GYG1: variants seen among roughly 807,000 people sequenced by gnomAD.
GYG1 encodes the protein glycogenin 1.
In GYG1, 44 loss-of-function variants were observed where a neutral mutation model predicts 41.9. The ratio of observed to expected loss-of-function variants is 1.05; its 90% CI spans 0.83 to 1.35. The LOEUF is 1.35. GYG1 is among the 40% of genes most tolerant of loss of function. The probability of loss-of-function intolerance (pLI) is 0.00; values close to 1 mark genes in which losing one functional copy is unlikely to be tolerated. For missense variants in GYG1, 429 were observed against 418.9 expected (o/e 1.02, Z -0.21); for synonymous variants, 141 against 158.1 (o/e 0.89, Z 0.81).
rs1459040791 is a variant in GYG1 at position 148,992,258 on chromosome 3, T to A, written c.7+611T>A. On this transcript the variant is annotated intron_variant, in intron 1 of 7. Coordinates refer to ENST00000345003, the MANE Select transcript of GYG1 (RefSeq NM_004130.4). ...GGGCGCCGGCTTTGGCTTCACTTGT[T>A]GCGAGGCGTCCGGGCCACTCCACGA... The A allele has an allele frequency of 1.9e-5, 3 of 156,962 alleles. No homozygotes were observed. In the East Asian group the frequency reaches 5.7e-4, roughly 30 times the overall value. The allele number at this position is 156,962 out of a possible 1,614,324, so 9.7% of individuals were successfully genotyped here. A position where few individuals can be genotyped will look rare whatever the true frequency, so the allele number is the denominator to read the frequency against.
At chr3:148,996,246 G>T in intron 2 of GYG1, 56 bp from the exon 3 acceptor site, 1 of 1,243,728 alleles carries the variant, frequency 8.0e-7, no homozygotes, top group Non-Finnish European at 1.2e-6. Context: ...TACAGCAGAT[G>T]GGTCACTTGT....
In GYG1 at chr3:149,018,011, C is replaced by T. The variant is rs1714170018; in HGVS notation, c.609-6042C>T. On this transcript the variant is annotated intron_variant, in intron 5 of 7. Coordinates refer to ENST00000345003, the MANE Select transcript of GYG1 (RefSeq NM_004130.4). Reference sequence around the variant, plus strand: ...ACACTAGAAAAATATTCTGGGTTAGCCTTTTAAGTGTTCCCCTAAATTTGC... The same window carrying T: ...ACACTAGAAAAATATTCTGGGTTAGTCTTTTAAGTGTTCCCCTAAATTTGC... Among the ~76,000 whole-genome samples, 4 of 152,020 alleles carry T rather than the reference C, an allele frequency of 2.6e-5. No homozygotes were observed. The South Asian group carries it at 8.3e-4, about 32-fold the overall frequency.
At chr3:149,024,369 A>G (rs1195087364) in intron 6 of GYG1, 97 bp downstream of exon 6, 8 of 794,558 alleles carry the variant, frequency 1.0e-5, no homozygotes, top group Non-Finnish European at 1.8e-5. Flanking sequence ...CATTTTAAAC[A>G]AAGAGATAAA....
intron 4 of GYG1, among the ~76,000 whole-genome samples, chr3:148,999,636 G>A (rs1012764221): frequency 3.9e-5 from 6 of 152,120 alleles, no homozygotes. Flanking sequence ...TATGGACAAT[G>A]ACTTTGTCTA....
chr3:149,020,444 G>A (rs1358393662), intron 5 of GYG1, among the ~76,000 whole-genome samples: 2 of 152,248 alleles, frequency 1.3e-5, no homozygotes, highest in African/African-American at 4.8e-5. Context: ...AGACTGCCTG[G>A]ATGGAATCCC....
At chr3:149,008,476 C>T (rs1483657590) in intron 4 of GYG1, among the ~76,000 whole-genome samples, 2 of 152,208 alleles carry the variant, frequency 1.3e-5, no homozygotes, top group Non-Finnish European at 2.9e-5. Context: ...CACGGTCCCC[C>T]GTCTTTCCCC....
intron 5 of GYG1, among the ~76,000 whole-genome samples, chr3:149,011,779 G>A (rs1490226393): frequency 6.6e-6 from 1 of 152,144 alleles, no homozygotes; most frequent in East Asian, 1.9e-4. Context: ...ATGAATGAGT[G>A]CTAATTTTGG....
At chr3:149,020,908 A>ATG (rs1453973494) in intron 5 of GYG1, among the ~76,000 whole-genome samples, 6 of 152,142 alleles carry the variant, frequency 3.9e-5, no homozygotes, top group Non-Finnish European at 8.8e-5. Flanking sequence ...TCTCATTCTT[A>ATG]TGTACTCTGT....
Position 148,996,919 on chromosome 3 carries a change from T to A in GYG1, c.481+15T>A. On this transcript the variant is annotated intron_variant, in intron 4 of 7. Transcript: ENST00000345003. ...TAGTTTTGATGGTATGTATTTGCTA[T>A]CTTCATGTCTGATAAGCTGTTAATA... 6.3e-7 allele frequency: 1 copy of A among 1,592,270 alleles called. No homozygotes were observed. Among genetic ancestry groups the A allele is most frequent in the Non-Finnish European group, 8.6e-7 (1 of 1,160,236 alleles).
At chr3:149,009,791 A>G (rs1713616618) in intron 5 of GYG1, among the ~76,000 whole-genome samples, 1 of 152,236 alleles carries the variant, frequency 6.6e-6, no homozygotes, top group African/African-American at 2.4e-5. Flanking sequence ...CTTCACCTGC[A>G]AAAAGGTGTT....
chr3:149,018,789 C>A (rs3772569), intron 5 of GYG1, among the ~76,000 whole-genome samples: 67,674 of 151,872 alleles, frequency 0.45, 16,621 homozygotes, highest in African/African-American at 0.67. Context: ...CAGGCCGGGC[C>A]CGTAATGTCA....
At chr3:149,017,092 A>G (rs1714091865) in intron 5 of GYG1, among the ~76,000 whole-genome samples, 1 of 152,204 alleles carries the variant, frequency 6.6e-6, no homozygotes, top group Admixed American at 6.5e-5. Context: ...TCTGTTCTAA[A>G]CAGTTCTGTA....
rs965245813 is a variant in GYG1 at position 149,029,462 on chromosome 3, ATGTT to A, written c.*2535_*2538del. 1.3e-5 allele frequency among the ~76,000 whole-genome samples: 2 copies of A among 152,210 alleles called. No homozygotes were observed. The highest frequency in any genetic ancestry group is 4.8e-5 in the African/African-American group (2 of 41,498). On this transcript the variant is annotated 3_prime_UTR_variant, in exon 8 of 8. Transcript: ENST00000345003. ...GAGCTATGGTTTATGCATAAAGTAA[ATGTT>A]TGTTTACCTTAATTCTCCTTATACC...
intron 5 of GYG1, among the ~76,000 whole-genome samples, chr3:149,013,702 G>A (rs75318193): frequency 0.018 from 2,786 of 152,154 alleles, 89 homozygotes; most frequent in African/African-American, 0.063. Context: ...CTATTTATCA[G>A]TATTTTCCCC....
rs151295448 is a variant in GYG1 at position 149,009,321 on chromosome 3, C to A, written c.527C>A (p.Thr176Lys). The change falls in exon 5 of 8, where the codon ACA becomes AAA. Residue 176 changes from threonine to lysine, a missense_variant. Physicochemically the swap from Thr to Lys is moderately conservative, Grantham distance 78 (BLOSUM62 -1). Transcript: ENST00000345003. The part of the protein sequence containing the change: ...ILNTFFSSWA[T>K]TDIRKHLPFI... ...AACACATTTTTTAGCAGCTGGGCAA[C>A]AACAGATATCAGAAAACACCTGCCG... is the stretch of plus-strand genomic sequence containing the variant. 1.2e-6 allele frequency: 2 copies of A among 1,613,010 alleles called. No homozygotes were observed. The highest frequency in any genetic ancestry group is 4.5e-5 in the East Asian group (2 of 44,874).
intron 5 of GYG1, among the ~76,000 whole-genome samples, chr3:149,014,176 A>G (rs1423485291): frequency 1.3e-5 from 2 of 151,962 alleles, no homozygotes; most frequent in Non-Finnish European, 2.9e-5. Context: ...TCTCGGTGAT[A>G]GTGATGCCTC....
intron 5 of GYG1, among the ~76,000 whole-genome samples, chr3:149,016,896 G>A (rs34117981): frequency 0.027 from 4,036 of 152,264 alleles, 68 homozygotes; most frequent in South Asian, 0.052. Flanking sequence ...TGAGTGAGTC[G>A]CAATATAATA....
At chr3:149,011,728 C>G (rs1713740100) in intron 5 of GYG1, among the ~76,000 whole-genome samples, 1 of 152,166 alleles carries the variant, frequency 6.6e-6, no homozygotes, top group African/African-American at 2.4e-5. Flanking sequence ...AGTTAGAGAT[C>G]TAAATTACTG....
chr3:148,997,770 G>GTA (rs1442123472), intron 4 of GYG1, among the ~76,000 whole-genome samples: 1 of 152,208 alleles, frequency 6.6e-6, no homozygotes, highest in African/African-American at 2.4e-5. Context: ...CCTCCCAGCA[G>GTA]TGCCTCACTA....
Sources: allele counts gnomAD v4.1 joint callset (sites outside exome capture counted in the v4.1 genomes callset), GRCh38; gene constraint gnomAD v4.1.1; transcripts MANE v1.5; gene names NCBI Gene and HGNC (gene_info 2026-07-23, HGNC 2026-07-21).